The following WWP2 variants were observed in gnomAD, a reference collection of about 807,000 sequenced individuals.
WWP2 encodes NEDD4-like E3 ubiquitin-protein ligase WWP2.
A neutral mutation model predicts 121.0 loss-of-function variants in WWP2; 57 were observed. The ratio of observed to expected loss-of-function variants is 0.47; its 90% CI spans 0.38 to 0.59. The LOEUF (loss-of-function observed/expected upper bound fraction) is 0.59. Among genes scored for constraint, WWP2 ranks in the 20% least tolerant of loss-of-function variants. The pLI, the probability that WWP2 is intolerant of heterozygous loss-of-function variation, is 0.00. For synonymous variants in WWP2, 449 were observed against 441.3 expected (o/e 1.02, Z -0.22); for missense variants, 962 against 1,158.9 (o/e 0.83, Z 2.47).
chr16:69,939,796 C>T (rs375433844), intron 23 of WWP2, 45 bp from the exon 24 acceptor site: 1 of 1,570,792 alleles, frequency 6.4e-7, no homozygotes, highest in Non-Finnish European at 8.7e-7. Flanking sequence ...CTATCAGAGC[C>T]CTGGCCTCCT....
At chr16:69,780,195 C>G (rs1040901174) in intron 1 of WWP2, among the ~76,000 whole-genome samples, 11 of 150,862 alleles carry the variant, frequency 7.3e-5, no homozygotes, top group African/African-American at 2.7e-4. Flanking sequence ...ACAACGTATA[C>G]AGTTGTTTTG....
At chr16:69,766,834 A>G (rs535257581) in intron 1 of WWP2, among the ~76,000 whole-genome samples, 5 of 152,178 alleles carry the variant, frequency 3.3e-5, no homozygotes, top group Non-Finnish European at 7.4e-5. Flanking sequence ...GCTCACTGCA[A>G]CCTTCACCTC....
At chr16:69,869,715 A>G (rs1201163508) in intron 6 of WWP2, among the ~76,000 whole-genome samples, 3 of 152,204 alleles carry the variant, frequency 2.0e-5, no homozygotes, top group Non-Finnish European at 4.4e-5. Context: ...AATCTAGAAG[A>G]GCACAAAAGG....
chr16:69,937,192 T>C lies in WWP2; in HGVS notation c.2192T>C (p.Val731Ala). 1 of 1,613,710 alleles carries C rather than the reference T, an allele frequency of 6.2e-7. No individual in the cohort carries two copies. Among genetic ancestry groups the C allele is most frequent in the African/African-American group, 1.3e-5 (1 of 74,904 alleles). The change falls in exon 20 of 24, where the codon GTG becomes GCG. Residue 731 changes from valine (V) to alanine (A), a missense_variant. Val to Ala is a moderately conservative substitution (Grantham distance 64). Around this residue, in one of 3 missense-constraint regions of WWP2, gnomAD observed 606 missense variants for 772.6 expected, o/e 0.78. Transcript: ENST00000359154. The surrounding 1 kb of genome is among the most constrained non-coding windows in gnomAD (Gnocchi z 6.6). Reference sequence around the variant, plus strand: ...GCCTTCCTGGATGGCTTCAACGAGGTGGCCCCGCTGGAGTGGCTGCGCTAC... The same window carrying C: ...GCCTTCCTGGATGGCTTCAACGAGGCGGCCCCGCTGGAGTGGCTGCGCTAC... Reference protein sequence around the residue: ...TKAFLDGFNEVAPLEWLRYFD... With the variant: ...TKAFLDGFNEAAPLEWLRYFD...
intron 13 of WWP2, 53 bp from the exon 14 acceptor site, chr16:69,931,099 T>C: frequency 1.3e-6 from 2 of 1,575,834 alleles, no homozygotes; most frequent in Non-Finnish European, 1.7e-6. Context: ...AAAGACAAAT[T>C]GTTCATTTTC....
chr16:69,828,909 C>A (rs1255902829), intron 4 of WWP2, among the ~76,000 whole-genome samples: 1 of 152,148 alleles, frequency 6.6e-6, no homozygotes, highest in Non-Finnish European at 1.5e-5. Flanking sequence ...TCTCTTCCCA[C>A]GTATCTGACG....
chr16:69,844,404 C>T (rs547991663), intron 6 of WWP2, among the ~76,000 whole-genome samples: 1 of 152,312 alleles, frequency 6.6e-6, no homozygotes, highest in East Asian at 1.9e-4. Context: ...GCCTTCTCAG[C>T]TTTGGTGCTA....
intron 4 of WWP2, among the ~76,000 whole-genome samples, chr16:69,809,264 G>A (rs2056343121): frequency 6.6e-6 from 1 of 152,186 alleles, no homozygotes; most frequent in South Asian, 2.1e-4. Context: ...CGTAGCCTAT[G>A]TACCTAACAT....
chr16:69,868,847 C>A (rs542926217), intron 6 of WWP2, among the ~76,000 whole-genome samples: 1 of 152,266 alleles, frequency 6.6e-6, no homozygotes, highest in African/African-American at 2.4e-5. Context: ...GAAGTGGGAA[C>A]TTTGAAATAT....
At chr16:69,916,215 G>A (rs1567429952) in intron 9 of WWP2, among the ~76,000 whole-genome samples, 1 of 152,002 alleles carries the variant, frequency 6.6e-6, no homozygotes, top group Non-Finnish European at 1.5e-5. Context: ...TGTTGTTTGA[G>A]ACAGGATCTC....
intron 21 of WWP2, among the ~76,000 whole-genome samples, chr16:69,938,304 G>A (rs1469451589): frequency 1.3e-5 from 2 of 152,072 alleles, no homozygotes. Context: ...GTGAGCCACT[G>A]TGCCCAACCC....
intron 10 of WWP2, chr16:69,924,880 T>A: frequency 1.0e-6 from 1 of 974,500 alleles, no homozygotes; most frequent in Non-Finnish European, 1.2e-6. Flanking sequence ...GATGGGAGGT[T>A]GGGGGGGACG....
chr16:69,798,954 G>A, intron 3 of WWP2, 125 bp downstream of exon 3: 1 of 1,440,864 alleles, frequency 6.9e-7, no homozygotes, highest in Non-Finnish European at 9.3e-7. Flanking sequence ...TGGTACCCAA[G>A]GTGACTCTTT....
rs1306568250 is a variant in WWP2 at position 69,935,748 on chromosome 16, G to A, written c.1843-105G>A. 2.0e-6 allele frequency: 3 copies of A among 1,496,036 alleles called. No individual in the cohort carries two copies. The highest frequency in any genetic ancestry group is 4.1e-4 in the Middle Eastern group (2 of 4,912). 92.7% of individuals were successfully genotyped at this position (1,496,036 alleles called of 1,614,324 possible). A position where few individuals can be genotyped will look rare whatever the true frequency, so the allele number is the denominator to read the frequency against. ...CTGCTGCTGTAGTTCTGTCAGGGAA[G>A]GAAGGCGGGTAGCGGTAGCAGAGTT... On this transcript the variant is annotated intron_variant, in intron 17 of 23. Transcript: ENST00000359154. The surrounding 1 kb of genome is among the most constrained non-coding windows in gnomAD (Gnocchi z 5.2).
chr16:69,833,603 A>G (rs965767648), intron 4 of WWP2, among the ~76,000 whole-genome samples: 7 of 152,332 alleles, frequency 4.6e-5, no homozygotes, highest in Admixed American at 3.9e-4. Context: ...ATTAGAAGGT[A>G]TTGGTAACCA....
rs958514767 is a variant in WWP2 at position 69,937,337 on chromosome 16, C to T, written c.2238+99C>T. 5 of 1,546,274 alleles carry T rather than the reference C, an allele frequency of 3.2e-6. No homozygotes were observed. The African/African-American group carries it at 6.8e-5, about 21-fold the overall frequency. On this transcript the variant is annotated intron_variant, in intron 20 of 23. Transcript: ENST00000359154. The surrounding 1 kb of genome is among the most constrained non-coding windows in gnomAD (Gnocchi z 6.6). ...GTACCCACAGACACTCAGCGTAAAA[C>T]TCCCACTTCGGCAGGGCAGATGGGT...
intron 6 of WWP2, among the ~76,000 whole-genome samples, chr16:69,843,746 G>A (rs2057020445): frequency 6.6e-6 from 1 of 152,082 alleles, no homozygotes. Flanking sequence ...GTGTGTGCCT[G>A]TAGTCCCAGC....
At chr16:69,819,096 T>C (rs2056548048) in intron 4 of WWP2, among the ~76,000 whole-genome samples, 2 of 152,192 alleles carry the variant, frequency 1.3e-5, no homozygotes, top group Admixed American at 1.3e-4. Context: ...GCACCTCCTG[T>C]CTGCATTGCC....
chr16:69,884,006 G>A (rs2057878255), intron 7 of WWP2, among the ~76,000 whole-genome samples: 1 of 152,102 alleles, frequency 6.6e-6, no homozygotes, highest in African/African-American at 2.4e-5. Flanking sequence ...AAAAATAAAA[G>A]CTTAGACAGT....
Sources: gnomAD v4.1 joint callset for allele counts (sites outside exome capture counted in the v4.1 genomes callset) on GRCh38, gnomAD v4.1.1 for gene constraint, gnomAD v4.1.1 regional missense constraint, Gnocchi (gnomAD v3.1) non-coding constraint, MANE v1.5 for transcripts, NCBI Gene and HGNC (gene_info 2026-07-23, HGNC 2026-07-21) for gene names.